RHCE: variants seen among roughly 807,000 people sequenced by gnomAD.
RHCE encodes the protein blood group Rh(CE) polypeptide.
In RHCE, 22 loss-of-function variants were observed where a neutral mutation model predicts 43.8. The ratio of observed to expected loss-of-function variants is 0.50; its 90% confidence interval spans 0.36 to 0.72. RHCE has a LOEUF of 0.72. Ranked by LOEUF, RHCE falls within the 30% of genes least tolerant of loss-of-function variation. The pLI is 0.00. For synonymous variants in RHCE, 156 were observed against 210.7 expected (o/e 0.74, Z 2.25); for missense variants, 385 against 525.4 (o/e 0.73, Z 2.61).
chr1:25,400,710 C>T (rs1285033674), intron 3 of RHCE, among the ~76,000 whole-genome samples: 4 of 151,420 alleles, frequency 2.6e-5, no homozygotes, highest in Admixed American at 6.6e-5. Context: ...CATCTCTACC[C>T]GCCCCAACCT....
upstream of RHCE, among the ~76,000 whole-genome samples, chr1:25,423,358 T>C (rs963228980): frequency 2.0e-5 from 3 of 152,198 alleles, no homozygotes; most frequent in African/African-American, 7.2e-5. Context: ...GGGCACCAGA[T>C]GTCAGCAAGA....
At chr1:25,405,600 G>A (rs1445022619) in intron 2 of RHCE, among the ~76,000 whole-genome samples, 1 of 143,998 alleles carries the variant, frequency 6.9e-6, no homozygotes, top group Non-Finnish European at 1.5e-5. Flanking sequence ...GCTGCAGTGA[G>A]CTATGATTGT....
upstream of RHCE, among the ~76,000 whole-genome samples, chr1:25,425,745 T>C (rs1347011530): frequency 6.6e-6 from 1 of 152,192 alleles, no homozygotes; most frequent in Non-Finnish European, 1.5e-5. Context: ...ATGACTTTTC[T>C]GTAAACACCA....
rs1386731088 is a variant in RHCE at position 25,407,312 on chromosome 1, A to G, written c.335+1371T>C. On this transcript the variant is annotated intron_variant, in intron 2 of 9. Coordinates refer to ENST00000294413, the MANE Select transcript of RHCE (RefSeq NM_020485.8). Reference sequence around the variant, plus strand: ...CTAGACTGTGTTTCATGTTCTGACCACTCTGGAGCATGTGGAAAAGGTTAT... The same window carrying G: ...CTAGACTGTGTTTCATGTTCTGACCGCTCTGGAGCATGTGGAAAAGGTTAT... Among the ~76,000 whole-genome samples the G allele has an allele frequency of 1.6e-5, 2 of 122,058 alleles. 1 individual carries two copies. The highest frequency in any genetic ancestry group is 5.1e-5 in the African/African-American group (2 of 39,474). 80.1% of individuals were successfully genotyped at this position (122,058 alleles called of 152,430 possible). A position where few individuals can be genotyped will look rare whatever the true frequency, so the allele number is the denominator to read the frequency against.
intron 7 of RHCE, among the ~76,000 whole-genome samples, chr1:25,384,545 C>T (rs1646092421): frequency 6.6e-6 from 1 of 152,170 alleles, no homozygotes; most frequent in African/African-American, 2.4e-5. Context: ...CAGTGGCAGA[C>T]ACATCACTGG....
intron 3 of RHCE, among the ~76,000 whole-genome samples, chr1:25,401,766 A>G (rs1646749829): frequency 6.6e-6 from 1 of 152,268 alleles, no homozygotes; most frequent in South Asian, 2.1e-4. Flanking sequence ...CTACAGGATT[A>G]TACTGTAGTA....
chr1:25,392,061 C>A lies in RHCE; in HGVS notation c.567G>T (p.Lys189Asn). The change falls in exon 4 of 10, where the codon AAG becomes AAT. Residue 189 changes from lysine (K) to asparagine (N), a missense_variant. Lys to Asn is a moderately conservative substitution (Grantham distance 94). This residue lies in a region of RHCE where 110 missense variants were observed against 103.4 expected (regional missense o/e 1.06). Coordinates refer to ENST00000294413, the MANE Select transcript of RHCE (RefSeq NM_020485.8). Reference protein sequence around the residue: ...FGLTVAWCLPKPLPKGTEDND... With the variant: ...FGLTVAWCLPNPLPKGTEDND... ...TATCCTCCGTTCCCTTGGGTAGAGG[C>A]TTTGGCAGGCACCAGGCCACAGTCA... 1 of 1,614,162 alleles carries A rather than the reference C, an allele frequency of 6.2e-7. No homozygotes were observed. The highest frequency in any genetic ancestry group is 1.3e-5 in the African/African-American group (1 of 75,018).
At chr1:25,377,322 G>A (rs976641027) in intron 7 of RHCE, among the ~76,000 whole-genome samples, 2 of 151,624 alleles carry the variant, frequency 1.3e-5, no homozygotes, top group South Asian at 2.1e-4. Flanking sequence ...TCAGCCTCCC[G>A]AGTAGCTGAG....
intron 3 of RHCE, among the ~76,000 whole-genome samples, chr1:25,397,580 A>C (rs977900823): frequency 1.3e-5 from 2 of 151,922 alleles, no homozygotes; most frequent in African/African-American, 4.8e-5. Context: ...TCCCTTGAAG[A>C]AGATGCCATC....
rs1314694381 is a variant in RHCE, at chr1:25,413,671, A to G, written c.149-4802T>C. Among the ~76,000 whole-genome samples, 3 of 151,382 alleles carry G rather than the reference A, an allele frequency of 2.0e-5. No homozygotes were observed. In the East Asian group the frequency reaches 5.8e-4, roughly 29 times the overall value. ...TGTAACAGCAGGCACACAGATAGAC[A>G]GTACCCCACGTTCCAGGCACTGTTC... On this transcript the variant is annotated intron_variant, in intron 1 of 9. Transcript: ENST00000294413.
upstream of RHCE, among the ~76,000 whole-genome samples, chr1:25,424,880 G>A (rs548831172): frequency 9.9e-5 from 15 of 151,202 alleles, no homozygotes; most frequent in East Asian, 2.4e-3. Context: ...GCAGTGGCAC[G>A]ATCTTGGCTC....
chr1:25,401,476 C>T (rs368177923), intron 3 of RHCE, among the ~76,000 whole-genome samples: 2 of 152,232 alleles, frequency 1.3e-5, no homozygotes, highest in East Asian at 3.9e-4. Context: ...CAGGCATCAG[C>T]CTTCTCACCT....
chr1:25,387,874 G>A (rs745517560), intron 6 of RHCE, among the ~76,000 whole-genome samples: 42 of 151,652 alleles, frequency 2.8e-4, no homozygotes, highest in Non-Finnish European at 5.3e-4. Context: ...AGGCTGGAGT[G>A]CAGTGGCGCA....
intron 3 of RHCE, among the ~76,000 whole-genome samples, chr1:25,401,871 T>C (rs1310740758): frequency 6.6e-6 from 1 of 152,084 alleles, no homozygotes; most frequent in African/African-American, 2.4e-5. Flanking sequence ...TCTTTTCTTT[T>C]CTTTTTTCTT....
chr1:25,413,836 A>G (rs1028641725), intron 1 of RHCE, among the ~76,000 whole-genome samples: 25 of 151,986 alleles, frequency 1.6e-4, no homozygotes, highest in African/African-American at 5.8e-4. Context: ...TGGTAGCAGG[A>G]GGATTCAAAC....
chr1:25,383,834 G>A lies in RHCE; in HGVS notation c.1073+1877C>T, dbSNP rs533781127. On this transcript the variant is annotated intron_variant, in intron 7 of 9. Coordinates refer to ENST00000294413, the MANE Select transcript of RHCE (RefSeq NM_020485.8). ...TCTTCCCAAGTCCATGTGCAGTGAC[G>A]TCTCCTTGATAGCTTGAACTCAGTC... 3.3e-5 allele frequency among the ~76,000 whole-genome samples: 5 copies of A among 152,300 alleles called. No individual in the cohort carries two copies. The South Asian group carries it at 6.2e-4, about 19-fold the overall frequency.
chr1:25,369,730 ATTTTTTTTTTTTT>A (rs3080376), intron 9 of RHCE, among the ~76,000 whole-genome samples: 3 of 95,492 alleles, frequency 3.1e-5, no homozygotes, highest in South Asian at 3.3e-4. Flanking sequence ...CACTGTAAGA[ATTTTTTTTTTTTT>A]TTTTTTTTTT....
intron 1 of RHCE, among the ~76,000 whole-genome samples, chr1:25,410,058 G>T (rs1053726703): frequency 6.6e-6 from 1 of 151,754 alleles, no homozygotes; most frequent in African/African-American, 2.4e-5. Flanking sequence ...CACCGTGCCC[G>T]GCTAATTTTT....
chr1:25,416,149 C>T (rs1017700042), intron 1 of RHCE, among the ~76,000 whole-genome samples: 1 of 152,104 alleles, frequency 6.6e-6, no homozygotes, highest in South Asian at 2.1e-4. Context: ...CTTGAGTCTC[C>T]TAGCTTTGGA....
Sources: allele counts gnomAD v4.1 joint callset (sites outside exome capture counted in the v4.1 genomes callset), GRCh38; gene constraint gnomAD v4.1.1; regional missense constraint gnomAD v4.1.1; transcripts MANE v1.5; gene names NCBI Gene and HGNC (gene_info 2026-07-23, HGNC 2026-07-21).